Variants in BCAP29 observed in about 807,000 individuals in gnomAD.
BCAP29 encodes B cell receptor associated protein 29.
A neutral mutation model predicts 31.8 loss-of-function variants in BCAP29; 34 were observed. The observed-to-expected ratio is 1.07, with a 90% confidence interval of 0.81 to 1.42. The LOEUF (loss-of-function observed/expected upper bound fraction) is 1.42. Ranked by LOEUF, BCAP29 falls within the 40% of genes most tolerant of loss-of-function variation. The pLI is 0.00. For synonymous variants in BCAP29, 104 were observed against 91.3 expected (o/e 1.14, Z -0.79); for missense variants, 314 against 269.2 (o/e 1.17, Z -1.16).
chr7:107,619,397 G>A lies in BCAP29; in HGVS notation c.*1034G>A, dbSNP rs1329992887. ...TTCATTTGTTCCAGTGTTTAGACAT[G>A]AAATCATCTTCCTTGTCTCATGAAA... is the stretch of plus-strand genomic sequence containing the variant. On this transcript the variant is annotated 3_prime_UTR_variant, in exon 8 of 8. Coordinates refer to ENST00000005259, the MANE Select transcript of BCAP29 (RefSeq NM_018844.4). 1 of 152,218 alleles carries A rather than the reference G, an allele frequency of 6.6e-6. No individual in the cohort carries two copies. Among genetic ancestry groups the A allele is most frequent in the Non-Finnish European group, 1.5e-5 (1 of 67,924 alleles). The allele number at this position is 152,218 out of a possible 1,614,324, so 9.4% of individuals were successfully genotyped here. A position where few individuals can be genotyped will look rare whatever the true frequency, so the allele number is the denominator to read the frequency against.
At chr7:107,588,556 T>C (rs1178440165) in intron 3 of BCAP29, among the ~76,000 whole-genome samples, 3 of 152,150 alleles carry the variant, frequency 2.0e-5, no homozygotes, top group African/African-American at 4.8e-5. Flanking sequence ...GAAGGCCTTG[T>C]AGAGCAACCA....
chr7:107,585,952 T>G (rs1196048718), intron 3 of BCAP29, among the ~76,000 whole-genome samples: 3 of 151,986 alleles, frequency 2.0e-5, no homozygotes, highest in African/African-American at 7.3e-5. Flanking sequence ...GATCGCGCCA[T>G]TGCACTGCAG....
At chr7:107,615,850 A>G (rs117236877) in intron 7 of BCAP29, 6,448 of 152,518 alleles carry the variant, frequency 0.042, 199 homozygotes, top group Middle Eastern at 0.12. Context: ...TGTTTTGTTT[A>G]CTCTCCATGA....
Position 107,580,825 on chromosome 7 carries a change from T to C in BCAP29, c.53T>C (p.Leu18Pro), listed in dbSNP as rs757653704. The change falls in exon 2 of 8, where the codon CTC (leucine) becomes CCC (proline). Residue 18 changes from leucine (L) to proline (P), a missense_variant. Physicochemically the swap from Leu to Pro is moderately conservative, Grantham distance 98. Coordinates refer to ENST00000005259, the MANE Select transcript of BCAP29 (RefSeq NM_018844.4). ...ACCTTTCTTTATGCCGAAATAGGAC[T>C]CATTTTAATCTTCTGCCTACCTTTT... ...VATFLYAEIG[L>P]ILIFCLPFIP... The C allele has an allele frequency of 6.3e-6, 10 of 1,590,258 alleles. No individual in the cohort carries two copies. The highest frequency in any genetic ancestry group is 7.7e-6 in the Non-Finnish European group (9 of 1,170,214).
rs1179583746 is a variant in BCAP29 at position 107,619,239 on chromosome 7, T to A, written c.*876T>A. On this transcript the variant is annotated 3_prime_UTR_variant, in exon 8 of 8. Transcript: ENST00000005259. Reference sequence around the variant, plus strand: ...ATATAAATATTACCTCAAAAATACATACACTGGTATCACACAGTCTTTCTA... The same window carrying A: ...ATATAAATATTACCTCAAAAATACAAACACTGGTATCACACAGTCTTTCTA... 6.6e-6 allele frequency: 1 copy of A among 152,550 alleles called. No homozygotes were observed. The highest frequency in any genetic ancestry group is 6.5e-5 in the Admixed American group (1 of 15,280). The allele number at this position is 152,550 out of a possible 1,614,324, so 9.4% of individuals were successfully genotyped here.
chr7:107,590,513 C>T (rs954498786), intron 3 of BCAP29, among the ~76,000 whole-genome samples: 1 of 152,080 alleles, frequency 6.6e-6, no homozygotes, highest in Non-Finnish European at 1.5e-5. Flanking sequence ...GCAGATGACA[C>T]GATTATTTAT....
chr7:107,621,963 G>T, downstream of BCAP29: 1 of 511,902 alleles, frequency 2.0e-6, no homozygotes, highest in South Asian at 1.5e-5. Context: ...AATTTCAAGG[G>T]GTGTGGAAAA....
chr7:107,614,275 TC>T (rs911627675), intron 7 of BCAP29, among the ~76,000 whole-genome samples: 2 of 152,234 alleles, frequency 1.3e-5, no homozygotes, highest in African/African-American at 4.8e-5. Context: ...TCAGCACTGT[TC>T]CTGGCACAAG....
chr7:107,588,362 A>G (rs1291000119), intron 3 of BCAP29, among the ~76,000 whole-genome samples: 1 of 152,226 alleles, frequency 6.6e-6, no homozygotes, highest in African/African-American at 2.4e-5. Context: ...TATACTAAGC[A>G]TGACTGAATT....
At chr7:107,605,697 C>T (rs957413094) in intron 6 of BCAP29, among the ~76,000 whole-genome samples, 1 of 152,140 alleles carries the variant, frequency 6.6e-6, no homozygotes, top group Non-Finnish European at 1.5e-5. Flanking sequence ...CCTAAAAGAT[C>T]GAAGGAGATA....
rs1563133506 is a variant in BCAP29, at chr7:107,598,991, A to G, written c.481-1406A>G. ...AATTTATATATCTATAAATTTATAT[A>G]TATTTATAGATCTACAAATTTATAT... On this transcript the variant is annotated intron_variant, in intron 5 of 7. Transcript: ENST00000005259. 9.8e-5 allele frequency among the ~76,000 whole-genome samples: 6 copies of G among 61,240 alleles called. 1 individual carries two copies. Among genetic ancestry groups the G allele is most frequent in the African/African-American group, 5.6e-4 (6 of 10,746 alleles). The allele number at this position is 61,240 out of a possible 152,430, so 40.2% of individuals were successfully genotyped here. A position where few individuals can be genotyped will look rare whatever the true frequency, so the allele number is the denominator to read the frequency against.
intron 7 of BCAP29, among the ~76,000 whole-genome samples, chr7:107,616,084 G>C (rs1814077827): frequency 6.6e-6 from 1 of 152,138 alleles, no homozygotes; most frequent in Non-Finnish European, 1.5e-5. Context: ...GCTTTACTCT[G>C]TATCTCTGGG....
intron 6 of BCAP29, among the ~76,000 whole-genome samples, chr7:107,607,933 C>T (rs553602294): frequency 1.2e-4 from 19 of 152,194 alleles, no homozygotes; most frequent in Admixed American, 9.8e-4. Flanking sequence ...CCACTGTGCC[C>T]GGCCTGGATT....
At chr7:107,600,780 T>G (rs1811033318) in intron 6 of BCAP29, among the ~76,000 whole-genome samples, 1 of 152,256 alleles carries the variant, frequency 6.6e-6, no homozygotes, top group South Asian at 2.1e-4. Flanking sequence ...TCCTAAAAAG[T>G]TGTTTATAAA....
intron 6 of BCAP29, among the ~76,000 whole-genome samples, chr7:107,606,606 G>A (rs528867505): frequency 7.9e-5 from 12 of 152,270 alleles, no homozygotes; most frequent in Admixed American, 5.2e-4. Flanking sequence ...TATGTGAAAT[G>A]GGGCCACAAG....
In BCAP29 at chr7:107,613,423, T is replaced by G; in HGVS notation, c.681T>G (p.Ser227=). Residue 227 remains serine (S), a synonymous_variant, in exon 7 of 8, where the codon TCT becomes TCG. Transcript: ENST00000005259. Reference sequence around the variant, plus strand: ...ATGATCAACTCCTGAAAGAACACTCTGAACTTCAGGTGGGTGTGACATGCA... The same window carrying G: ...ATGATCAACTCCTGAAAGAACACTCGGAACTTCAGGTGGGTGTGACATGCA... ...KEYDQLLKEH[S]ELQDRLERGN... is the part of the protein sequence containing the mutation. 6.2e-7 allele frequency: 1 copy of G among 1,604,710 alleles called. No homozygotes were observed. Among genetic ancestry groups the G allele is most frequent in the South Asian group, 1.1e-5 (1 of 90,714 alleles).
At chr7:107,582,820 G>C (rs776737095) in intron 2 of BCAP29, among the ~76,000 whole-genome samples, 4 of 152,050 alleles carry the variant, frequency 2.6e-5, no homozygotes, top group Non-Finnish European at 5.9e-5. Context: ...TTTGGACCTA[G>C]ATCAAGGTAT....
Position 107,593,951 on chromosome 7 carries a change from A to G in BCAP29, c.194-4A>G. The G allele has an allele frequency of 1.9e-6, 3 of 1,602,818 alleles. No homozygotes were observed. The highest frequency in any genetic ancestry group is 2.5e-6 in the Non-Finnish European group (3 of 1,177,098). Reference sequence around the variant, plus strand: ...AAGTACTGTTTTCTTTTGTTCTGTAATAGATGCTGTGAGAGAAGTAAGGAA... The same window carrying G: ...AAGTACTGTTTTCTTTTGTTCTGTAGTAGATGCTGTGAGAGAAGTAAGGAA... On this transcript the variant is annotated splice_polypyrimidine_tract_variant and splice_region_variant and intron_variant, in intron 3 of 7. Coordinates refer to ENST00000005259, the MANE Select transcript of BCAP29 (RefSeq NM_018844.4).
chr7:107,618,556 C>T lies in BCAP29; in HGVS notation c.*193C>T, dbSNP rs1814605799. 1 of 1,597,692 alleles carries T rather than the reference C, an allele frequency of 6.3e-7. No individual in the cohort carries two copies. The highest frequency in any genetic ancestry group is 8.6e-7 in the Non-Finnish European group (1 of 1,166,852). Reference sequence around the variant, plus strand: ...CAGATATATTGCAAAGTCTGTATTCCAGCTCTTAAGAAAAATATAAGCATG... The same window carrying T: ...CAGATATATTGCAAAGTCTGTATTCTAGCTCTTAAGAAAAATATAAGCATG... On this transcript the variant is annotated 3_prime_UTR_variant, in exon 8 of 8. Transcript: ENST00000005259.
Sources: allele counts gnomAD v4.1 joint callset (sites outside exome capture counted in the v4.1 genomes callset), GRCh38; gene constraint gnomAD v4.1.1; transcripts MANE v1.5; gene names NCBI Gene and HGNC (gene_info 2026-07-23, HGNC 2026-07-21).